The following SSBP2 variants were observed in gnomAD, a reference collection of about 807,000 sequenced individuals.
SSBP2 encodes single-stranded DNA-binding protein 2.
A neutral mutation model predicts 61.8 loss-of-function variants in SSBP2; 17 were observed. That is an observed-to-expected ratio of 0.28 (90% CI 0.19 to 0.41). The LOEUF is 0.41. Ranked by LOEUF, SSBP2 falls within the 10% of genes least tolerant of loss-of-function variation. SSBP2 has a pLI of 1.00. For missense variants in SSBP2, 310 were observed against 458.7 expected, an observed-to-expected ratio of 0.68 and a Z score of 2.96; for synonymous variants, 139 against 141.3, an observed-to-expected ratio of 0.98 and a Z score of 0.12.
chr5:81,728,362 A>G (rs977067570), intron 1 of SSBP2, among the ~76,000 whole-genome samples: 5 of 152,192 alleles, frequency 3.3e-5, no homozygotes, highest in African/African-American at 1.2e-4. Context: ...TAAATAAATA[A>G]AACATTTCAT....
chr5:81,490,995 C>T (rs769318629), intron 5 of SSBP2, among the ~76,000 whole-genome samples: 3 of 152,060 alleles, frequency 2.0e-5, no homozygotes, highest in Non-Finnish European at 4.4e-5. Flanking sequence ...GAAACTCTAC[C>T]ATAAATTGGA....
At chr5:81,580,133 T>C (rs940564708) in intron 4 of SSBP2, among the ~76,000 whole-genome samples, 6 of 152,052 alleles carry the variant, frequency 3.9e-5, no homozygotes, top group African/African-American at 1.4e-4. Context: ...ATGGGAGTGG[T>C]TGGTGAAAGG....
At chr5:81,679,513 T>C (rs568735680) in intron 1 of SSBP2, among the ~76,000 whole-genome samples, 35 of 152,340 alleles carry the variant, frequency 2.3e-4, no homozygotes, top group African/African-American at 8.2e-4. Context: ...TATAGTGTTA[T>C]TTGAAAGTGA....
intron 4 of SSBP2, among the ~76,000 whole-genome samples, chr5:81,522,765 C>A (rs1769590012): frequency 1.3e-5 from 2 of 152,042 alleles, no homozygotes; most frequent in Admixed American, 6.6e-5. Context: ...CTACCCTGGG[C>A]CACCTCACTT....
chr5:81,523,459 G>A (rs1161308319), intron 4 of SSBP2, among the ~76,000 whole-genome samples: 3 of 151,908 alleles, frequency 2.0e-5, no homozygotes, highest in Admixed American at 6.6e-5. Flanking sequence ...ATTTGTACGT[G>A]CATCCCAAAT....
chr5:81,508,392 CAT>C (rs1357417458), intron 5 of SSBP2, among the ~76,000 whole-genome samples: 1 of 152,144 alleles, frequency 6.6e-6, no homozygotes, highest in African/African-American at 2.4e-5. Context: ...TAAATAACTA[CAT>C]GTCATACTTT....
chr5:81,573,169 C>T (rs1450654014), intron 4 of SSBP2, among the ~76,000 whole-genome samples: 1 of 151,900 alleles, frequency 6.6e-6, no homozygotes, highest in East Asian at 1.9e-4. Flanking sequence ...TGCTGAGGTG[C>T]CCCATGAAAA....
intron 4 of SSBP2, among the ~76,000 whole-genome samples, chr5:81,595,117 G>A (rs1298293185): frequency 6.6e-6 from 1 of 152,154 alleles, no homozygotes; most frequent in East Asian, 1.9e-4. Flanking sequence ...AAGAAGAAGA[G>A]AGAAGAATCA....
Position 81,565,689 on chromosome 5 carries a change from T to C in SSBP2, c.282+49784A>G, listed in dbSNP as rs546885037. 2.0e-5 allele frequency among the ~76,000 whole-genome samples: 3 copies of C among 152,318 alleles called. No homozygotes were observed. In the East Asian group the frequency reaches 5.8e-4, roughly 29 times the overall value. ...ACTCATCAAGAAAGAACCAACCGTA[T>C]CTTTTATTTTTGGAGTTCTCAGACC... is the stretch of plus-strand genomic sequence containing the variant. On this transcript the variant is annotated intron_variant, in intron 4 of 16. Coordinates refer to ENST00000320672, the MANE Select transcript of SSBP2 (RefSeq NM_012446.5).
intron 4 of SSBP2, among the ~76,000 whole-genome samples, chr5:81,560,381 T>C (rs1772952547): frequency 1.3e-5 from 2 of 152,074 alleles, no homozygotes; most frequent in Admixed American, 1.3e-4. Flanking sequence ...GCCAAAGGGT[T>C]GCAGGAAAAA....
intron 3 of SSBP2, among the ~76,000 whole-genome samples, chr5:81,630,350 G>A (rs1414448768): frequency 3.9e-5 from 6 of 152,126 alleles, no homozygotes; most frequent in South Asian, 2.1e-4. Context: ...AATGGCTAGC[G>A]AAACACAATA....
At position 81,438,081 on chromosome 5, in the gene SSBP2, G is replaced by C. The variant is rs138723752; in HGVS notation, c.929-623C>G. 3.7e-3 allele frequency among the ~76,000 whole-genome samples: 569 copies of C among 152,184 alleles called. 5 individuals are homozygous for C. The highest frequency in any genetic ancestry group is 0.013 in the African/African-American group (528 of 41,544). On this transcript the variant is annotated intron_variant, in intron 14 of 16. Coordinates refer to ENST00000320672, the MANE Select transcript of SSBP2 (RefSeq NM_012446.5). The stretch of plus-strand genomic sequence containing the variant: ...GTAAGAAATAGAGACCGGGTGCAGT[G>C]GCTCACGCCTGTAATCCTAGCACTT...
At chr5:81,604,968 T>A (rs2153569695) in intron 4 of SSBP2, among the ~76,000 whole-genome samples, 1 of 152,254 alleles carries the variant, frequency 6.6e-6, no homozygotes, top group East Asian at 1.9e-4. Context: ...TTGAGAAATT[T>A]GTTAATTGAA....
intron 1 of SSBP2, among the ~76,000 whole-genome samples, chr5:81,733,816 C>T (rs55867196): frequency 6.6e-6 from 1 of 152,098 alleles, no homozygotes; most frequent in Non-Finnish European, 1.5e-5. Context: ...GCTACAGTCC[C>T]TAGTTTTGTC....
At chr5:81,727,693 T>A (rs1373144896) in intron 1 of SSBP2, among the ~76,000 whole-genome samples, 2 of 152,220 alleles carry the variant, frequency 1.3e-5, no homozygotes, top group Non-Finnish European at 2.9e-5. Flanking sequence ...AAATTGAGCA[T>A]CTCTTGATAA....
intron 3 of SSBP2, among the ~76,000 whole-genome samples, chr5:81,631,538 G>A (rs188262608): frequency 3.8e-4 from 57 of 151,118 alleles, no homozygotes; most frequent in Admixed American, 3.4e-3. Flanking sequence ...ACCAATTGCT[G>A]CTGCAGAAAA....
intron 9 of SSBP2, among the ~76,000 whole-genome samples, chr5:81,463,343 T>C (rs779875088): frequency 6.4e-4 from 98 of 152,326 alleles, no homozygotes; most frequent in Non-Finnish European, 1.1e-3. Context: ...AACATAGGAA[T>C]TATTTTGAAT....
At chr5:81,699,120 A>G (rs1348243435) in intron 1 of SSBP2, among the ~76,000 whole-genome samples, 1 of 152,234 alleles carries the variant, frequency 6.6e-6, no homozygotes, top group East Asian at 1.9e-4. Flanking sequence ...CTTGTTTAAA[A>G]ATATTTTATT....
At chr5:81,697,938 C>A (rs1753706339) in intron 1 of SSBP2, among the ~76,000 whole-genome samples, 1 of 152,086 alleles carries the variant, frequency 6.6e-6, no homozygotes, top group African/African-American at 2.4e-5. Context: ...GTAAAATAAT[C>A]TAAAATCTCA....
Sources: allele counts gnomAD v4.1 joint callset (sites outside exome capture counted in the v4.1 genomes callset), GRCh38; gene constraint gnomAD v4.1.1; transcripts MANE v1.5; gene names NCBI Gene and HGNC (gene_info 2026-07-23, HGNC 2026-07-21).